Variants in PTN observed in about 807,000 individuals in gnomAD.
The protein encoded by PTN is pleiotrophin.
Under a neutral mutation model 24.1 loss-of-function variants are expected in PTN, and 18 were observed. That is an observed-to-expected ratio of 0.75 (90% CI 0.52 to 1.11). The LOEUF is 1.11. Ranked by LOEUF, PTN falls within the 50% of genes least tolerant of loss-of-function variation. PTN has a pLI of 0.00. For missense variants in PTN, 163 were observed against 198.8 expected (o/e 0.82, Z 1.08); for synonymous variants, 78 against 68.6 (o/e 1.14, Z -0.67).
chr7:137,280,010 G>C (rs1233267699), intron 1 of PTN, among the ~76,000 whole-genome samples: 1 of 152,094 alleles, frequency 6.6e-6, no homozygotes, highest in Non-Finnish European at 1.5e-5. Context: ...AGAAATCTAG[G>C]ATATCTCCCA....
intron 1 of PTN, among the ~76,000 whole-genome samples, chr7:137,293,586 G>A (rs562038761): frequency 6.6e-6 from 1 of 152,162 alleles, no homozygotes; most frequent in East Asian, 1.9e-4. Context: ...CATAAAGATG[G>A]CAAACTCATG....
intron 4 of PTN, among the ~76,000 whole-genome samples, chr7:137,232,060 G>A (rs1412797282): frequency 6.6e-6 from 1 of 151,944 alleles, no homozygotes; most frequent in Non-Finnish European, 1.5e-5. Context: ...CTACCCTGAT[G>A]TGAACAGTAG....
intron 1 of PTN, among the ~76,000 whole-genome samples, chr7:137,282,113 T>A (rs1400916459): frequency 1.3e-5 from 2 of 152,248 alleles, no homozygotes; most frequent in African/African-American, 4.8e-5. Context: ...TGGCTTTAAA[T>A]GTTCTAGAAG....
At chr7:137,244,332 A>G (rs993850681) in intron 4 of PTN, among the ~76,000 whole-genome samples, 1 of 151,458 alleles carries the variant, frequency 6.6e-6, no homozygotes, top group African/African-American at 2.4e-5. Flanking sequence ...TCTTCTTCTT[A>G]GTATAAAATA....
At chr7:137,290,551 A>T (rs556038723) in intron 1 of PTN, among the ~76,000 whole-genome samples, 8 of 152,328 alleles carry the variant, frequency 5.3e-5, no homozygotes, top group African/African-American at 1.9e-4. Flanking sequence ...TATGTAAGTA[A>T]TGCTTTAGAG....
At chr7:137,248,236 T>C (rs920319817) in intron 4 of PTN, among the ~76,000 whole-genome samples, 2 of 152,298 alleles carry the variant, frequency 1.3e-5, no homozygotes, top group East Asian at 3.9e-4. Context: ...AGAAAAATAG[T>C]ACAAAAATAA....
chr7:137,271,616 G>A (rs553214175), intron 1 of PTN, among the ~76,000 whole-genome samples: 2 of 152,318 alleles, frequency 1.3e-5, no homozygotes, highest in South Asian at 2.1e-4. Context: ...AGAAGACTCG[G>A]CTGTTTGTAT....
chr7:137,334,026 C>G (rs1248368686), intron 1 of PTN, among the ~76,000 whole-genome samples: 1 of 152,074 alleles, frequency 6.6e-6, no homozygotes, highest in Non-Finnish European at 1.5e-5. Flanking sequence ...CCTTACACCT[C>G]ATACAAAAAT....
At chr7:137,248,666 T>G (rs1808767962) in intron 4 of PTN, among the ~76,000 whole-genome samples, 1 of 152,000 alleles carries the variant, frequency 6.6e-6, no homozygotes, top group East Asian at 1.9e-4. Flanking sequence ...GGTGACAGAG[T>G]GAGACTCTGT....
chr7:137,313,081 C>T (rs75413775), intron 1 of PTN, among the ~76,000 whole-genome samples: 2 of 151,694 alleles, frequency 1.3e-5, no homozygotes, highest in African/African-American at 2.4e-5. Flanking sequence ...CTCGTTCCCC[C>T]CTCTCATTCA....
Position 137,227,443 on chromosome 7 carries a change from AT to A in PTN, c.*576del, listed in dbSNP as rs899047416. The A allele has an allele frequency of 2.1e-4, 32 of 151,060 alleles. No homozygotes were observed. The highest frequency in any genetic ancestry group is 7.6e-4 in the African/African-American group (31 of 40,964). The allele number at this position is 151,060 out of a possible 1,614,324, so 9.4% of individuals were successfully genotyped here. A position where few individuals can be genotyped will look rare whatever the true frequency, so the allele number is the denominator to read the frequency against. Reference sequence around the variant, plus strand: ...CAAATGCTTCTGCCAAAGTGAAAGAATTTTATGTCTTAATGCTTTTCTTTAA... The same window carrying A: ...CAAATGCTTCTGCCAAAGTGAAAGAATTTATGTCTTAATGCTTTTCTTTAA... On this transcript the variant is annotated 3_prime_UTR_variant, in exon 5 of 5. Coordinates refer to ENST00000348225, the MANE Select transcript of PTN (RefSeq NM_002825.7).
rs869311084 is a variant in PTN at position 137,269,624 on chromosome 7, A to ATTTTTTTTTTTTTTTT, written c.-1-14666_-1-14651dup. Among the ~76,000 whole-genome samples, 25 of 63,028 alleles carry ATTTTTTTTTTTTTTTT rather than the reference A, an allele frequency of 4.0e-4. 7 individuals are homozygous for ATTTTTTTTTTTTTTTT. The highest frequency in any genetic ancestry group is 1.9e-3 in the African/African-American group (25 of 13,410). 41.3% of individuals were successfully genotyped at this position (63,028 alleles called of 152,430 possible). A position where few individuals can be genotyped will look rare whatever the true frequency, so the allele number is the denominator to read the frequency against. On this transcript the variant is annotated intron_variant, in intron 1 of 4. Coordinates refer to ENST00000348225, the MANE Select transcript of PTN (RefSeq NM_002825.7). ...TGCTATCTGTCAAGCTGCTTCATCT[A>ATTTTTTTTTTTTTTTT]TTTTTTTTTTTTTTTTTTTTTTTTT...
At chr7:137,329,860 A>G (rs759409096) in intron 1 of PTN, among the ~76,000 whole-genome samples, 1 of 152,210 alleles carries the variant, frequency 6.6e-6, no homozygotes, top group Non-Finnish European at 1.5e-5. Context: ...CAATCGTAGG[A>G]ACAATGAGGT....
chr7:137,286,183 TATTA>T (rs1186343249), intron 1 of PTN, among the ~76,000 whole-genome samples: 4 of 152,288 alleles, frequency 2.6e-5, no homozygotes, highest in African/African-American at 4.8e-5. Context: ...ACAATACTGA[TATTA>T]ATTAAGATAG....
At chr7:137,244,283 T>G (rs944317916) in intron 4 of PTN, among the ~76,000 whole-genome samples, 1 of 152,068 alleles carries the variant, frequency 6.6e-6, no homozygotes, top group Non-Finnish European at 1.5e-5. Flanking sequence ...GATGTGCACA[T>G]TTCAATTCTT....
Position 137,296,980 on chromosome 7 carries a change from T to A in PTN, c.-1-42006A>T, listed in dbSNP as rs368600187. ...ATGCTTACTTGAATGCACAAAAGAT[T>A]CAAAAAGTATTCCAAATCAGAGCTA... On this transcript the variant is annotated intron_variant, in intron 1 of 4. Transcript: ENST00000348225. 2.8e-4 allele frequency among the ~76,000 whole-genome samples: 42 copies of A among 152,152 alleles called. No homozygotes were observed. In the East Asian group the frequency reaches 7.0e-3, roughly 25 times the overall value.
intron 4 of PTN, among the ~76,000 whole-genome samples, chr7:137,246,572 G>C (rs931853922): frequency 6.6e-6 from 1 of 152,044 alleles, no homozygotes; most frequent in African/African-American, 2.4e-5. Context: ...TTTGAAATAA[G>C]GCAGAAAAAT....
chr7:137,295,226 T>C (rs561980656), intron 1 of PTN, among the ~76,000 whole-genome samples: 16 of 152,308 alleles, frequency 1.1e-4, no homozygotes, highest in Non-Finnish European at 1.6e-4. Context: ...GAACAATGAA[T>C]AGCACAGGCT....
chr7:137,266,623 C>CCCTTTTTTTT (rs1809151566), intron 1 of PTN, among the ~76,000 whole-genome samples: 1 of 151,162 alleles, frequency 6.6e-6, no homozygotes, highest in African/African-American at 2.4e-5. Context: ...ATTCTGCCTC[C>CCCTTTTTTTT]CCTTTTTTTT....
Sources: gnomAD v4.1 joint callset for allele counts (sites outside exome capture counted in the v4.1 genomes callset) on GRCh38, gnomAD v4.1.1 for gene constraint, MANE v1.5 for transcripts, NCBI Gene and HGNC (gene_info 2026-07-23, HGNC 2026-07-21) for gene names.